The following ITGAV variants were observed in gnomAD, a reference collection of about 807,000 sequenced individuals.
ITGAV encodes integrin alpha-V.
ITGAV carries 76 observed loss-of-function variants against 143.8 expected under a neutral mutation model. The observed-to-expected ratio is 0.53, with a 90% CI of 0.44 to 0.64. The LOEUF is 0.64. Ranked by LOEUF, ITGAV falls within the 30% of genes least tolerant of loss-of-function variation. ITGAV has a pLI of 0.00. For synonymous variants in ITGAV, 453 were observed against 446.7 expected, an observed-to-expected ratio of 1.01 and a Z score of -0.18; for missense variants, 1,193 against 1,274.7, an observed-to-expected ratio of 0.94 and a Z score of 0.98.
intron 12 of ITGAV, among the ~76,000 whole-genome samples, chr2:186,646,219 C>T (rs1445880631): frequency 2.6e-5 from 4 of 152,068 alleles, no homozygotes; most frequent in African/African-American, 7.2e-5. Context: ...AGCAGATTGG[C>T]TTCTGTTCAG....
At chr2:186,648,174 A>G (rs1441690241) in intron 13 of ITGAV, among the ~76,000 whole-genome samples, 2 of 151,940 alleles carry the variant, frequency 1.3e-5, no homozygotes, top group Non-Finnish European at 2.9e-5. Context: ...TGGCATTTTT[A>G]TCTTTCTTTA....
intron 3 of ITGAV, among the ~76,000 whole-genome samples, chr2:186,623,360 T>A (rs991042778): frequency 3.3e-5 from 5 of 152,186 alleles, no homozygotes; most frequent in Non-Finnish European, 5.9e-5. Context: ...CTTTTTTTTT[T>A]AGAACTAAAT....
intron 4 of ITGAV, 99 bp from the exon 5 acceptor site, chr2:186,630,698 T>C: frequency 4.4e-6 from 3 of 676,776 alleles, no homozygotes; most frequent in East Asian, 2.5e-5. Context: ...CAAAAATTGG[T>C]ACATTATCTT....
chr2:186,675,734 A>G lies in ITGAV; in HGVS notation c.2820+17A>G. The G allele has an allele frequency of 1.3e-6, 2 of 1,582,916 alleles. No individual in the cohort carries two copies. Among genetic ancestry groups the G allele is most frequent in the Non-Finnish European group, 1.7e-6 (2 of 1,151,844 alleles). ...TTTATGAATGTAAGTAGACAGGTGC[A>G]GCATTTAGCAAACATACCCAGTGTT... On this transcript the variant is annotated intron_variant, in intron 27 of 29. Coordinates refer to ENST00000261023, the MANE Select transcript of ITGAV (RefSeq NM_002210.5).
intron 14 of ITGAV, among the ~76,000 whole-genome samples, chr2:186,650,886 C>T (rs1341276112): frequency 6.6e-6 from 1 of 152,104 alleles, no homozygotes; most frequent in Admixed American, 6.6e-5. Context: ...GAGGTATTCT[C>T]CTGTAGTTTT....
In ITGAV at chr2:186,646,681, C is replaced by T. The variant is rs1322299912; in HGVS notation, c.1160-5C>T. 1 of 1,551,326 alleles carries T rather than the reference C, an allele frequency of 6.4e-7. No individual in the cohort carries two copies. The highest frequency in any genetic ancestry group is 2.3e-5 in the East Asian group (1 of 43,146). Reference sequence around the variant, plus strand: ...TCCTTCCCCCTCCTCTTTTTTTCCCCACAGATATTGCAATTGCTGCTCCAT... The same window carrying T: ...TCCTTCCCCCTCCTCTTTTTTTCCCTACAGATATTGCAATTGCTGCTCCAT... On this transcript the variant is annotated splice_region_variant and splice_polypyrimidine_tract_variant and intron_variant, in intron 12 of 29. Transcript: ENST00000261023.
chr2:186,638,154 A>T, intron 8 of ITGAV, 123 bp from the exon 9 acceptor site: 1 of 785,898 alleles, frequency 1.3e-6, no homozygotes, highest in Non-Finnish European at 2.1e-6. Context: ...CAATTTTTCT[A>T]AATTGATTGT....
chr2:186,629,774 G>T (rs1687768221), intron 4 of ITGAV, among the ~76,000 whole-genome samples: 1 of 152,008 alleles, frequency 6.6e-6, no homozygotes, highest in African/African-American at 2.4e-5. Flanking sequence ...TAATGTATTT[G>T]TAACATTGGC....
intron 2 of ITGAV, among the ~76,000 whole-genome samples, chr2:186,615,867 G>A (rs1341336269): frequency 6.6e-6 from 1 of 151,874 alleles, no homozygotes; most frequent in African/African-American, 2.4e-5. Flanking sequence ...CTAAATCATT[G>A]CCTAACCCAA....
At chr2:186,590,648 C>T in intron 1 of ITGAV, 125 bp downstream of exon 1, 1 of 859,548 alleles carries the variant, frequency 1.2e-6, no homozygotes, top group Non-Finnish European at 1.7e-6. Flanking sequence ...CATCCTACCT[C>T]TCAGAGTGGT....
intron 3 of ITGAV, among the ~76,000 whole-genome samples, chr2:186,624,232 AT>A (rs1687612232): frequency 6.6e-6 from 1 of 152,072 alleles, no homozygotes. Flanking sequence ...TGTCATTCAG[AT>A]TTCAGCTGTC....
intron 4 of ITGAV, among the ~76,000 whole-genome samples, chr2:186,628,365 T>A (rs150803079): frequency 2.8e-3 from 421 of 152,240 alleles, no homozygotes; most frequent in African/African-American, 9.7e-3. Context: ...GTTCTGTTTT[T>A]AACCTGACTT....
At position 186,664,585 on chromosome 2, in the gene ITGAV, C is replaced by T. The variant is rs1406636242; in HGVS notation, c.2017C>T (p.Leu673Phe). Residue 673 changes from leucine (L) to phenylalanine (F), a missense_variant, in exon 20 of 30, where the codon CTC becomes TTC. Coordinates refer to ENST00000261023, the MANE Select transcript of ITGAV (RefSeq NM_002210.5). ...AGGAGAAGGTGCCTACGAAGCTGAGCTCATCGTTTCCATTCCACTGCAGGC... is the reference window on the plus strand; with the variant it reads ...AGGAGAAGGTGCCTACGAAGCTGAGTTCATCGTTTCCATTCCACTGCAGGC... ...NQGEGAYEAE[L>F]IVSIPLQADF... The T allele has an allele frequency of 6.2e-7, 1 of 1,614,098 alleles. No homozygotes were observed. Among genetic ancestry groups the T allele is most frequent in the Non-Finnish European group, 8.5e-7 (1 of 1,179,972 alleles).
intron 7 of ITGAV, 72 bp downstream of exon 7, chr2:186,636,279 A>G: frequency 1.7e-6 from 2 of 1,186,032 alleles, no homozygotes; most frequent in Non-Finnish European, 2.4e-6. Context: ...ATGGTCTTTT[A>G]AGTAGAAAAA....
intron 1 of ITGAV, among the ~76,000 whole-genome samples, chr2:186,599,340 T>C (rs1256624477): frequency 6.6e-6 from 1 of 152,180 alleles, no homozygotes; most frequent in African/African-American, 2.4e-5. Context: ...CCCTCCTCTT[T>C]CGACGCTTCC....
chr2:186,647,917 G>GT (rs1232244718), intron 13 of ITGAV, among the ~76,000 whole-genome samples: 2 of 152,018 alleles, frequency 1.3e-5, no homozygotes, highest in Non-Finnish European at 2.9e-5. Flanking sequence ...GTATTTTAGA[G>GT]TTTTTTTGTT....
Position 186,605,157 on chromosome 2 carries a change from A to G in ITGAV, c.316+3006A>G, listed in dbSNP as rs188630257. ...GCAGCGATTACCAGAATCTGAAGAC[A>G]GAATACTAGGTGTAGAGAGCCACGT... On this transcript the variant is annotated intron_variant, in intron 2 of 29. Transcript: ENST00000261023. Among the ~76,000 whole-genome samples the G allele has an allele frequency of 2.6e-4, 39 of 152,366 alleles. No individual in the cohort carries two copies. The East Asian group carries it at 4.8e-3, about 19-fold the overall frequency.
intron 6 of ITGAV, among the ~76,000 whole-genome samples, chr2:186,634,949 T>A (rs750820487): frequency 3.3e-5 from 5 of 152,126 alleles, no homozygotes; most frequent in Admixed American, 1.3e-4. Context: ...GACTACTTGT[T>A]AACTCTGTCT....
In ITGAV at chr2:186,665,171, C is replaced by T. The variant is rs756766692; in HGVS notation, c.2119C>T (p.Arg707Cys). The change falls in exon 21 of 30, where the codon CGC (arginine) becomes TGC (cysteine). Residue 707 changes from arginine to cysteine, a missense_variant. Transcript: ENST00000261023. ...TGCATTTAAGACAGAAAACCAAACT[C>T]GCCAGGTGGTATGTGACCTTGGAAA... The part of the protein sequence containing the change: ...SCAFKTENQT[R>C]QVVCDLGNPM... The T allele has an allele frequency of 3.1e-6, 5 of 1,611,582 alleles. No individual in the cohort carries two copies. Among genetic ancestry groups the T allele is most frequent in the South Asian group, 1.1e-5 (1 of 91,014 alleles).
Sources: gnomAD v4.1 joint callset for allele counts (sites outside exome capture counted in the v4.1 genomes callset) on GRCh38, gnomAD v4.1.1 for gene constraint, MANE v1.5 for transcripts, NCBI Gene and HGNC (gene_info 2026-07-23, HGNC 2026-07-21) for gene names.